Variants in OSBPL8 observed in about 807,000 individuals in gnomAD.
OSBPL8 encodes oxysterol binding protein like 8.
OSBPL8 carries 59 observed loss-of-function variants against 125.5 expected under a neutral mutation model. That is an observed-to-expected ratio of 0.47 (90% CI 0.38 to 0.58). The LOEUF is 0.58. Ranked by LOEUF, OSBPL8 falls within the 20% of genes least tolerant of loss-of-function variation. The probability of loss-of-function intolerance (pLI) is 0.00; values close to 1 mark genes in which losing one functional copy is unlikely to be tolerated. For missense variants in OSBPL8, 758 were observed against 1,047.8 expected (o/e 0.72, Z 3.82); for synonymous variants, 330 against 338.9 (o/e 0.97, Z 0.29).
At chr12:76,550,896 C>G (rs150480006) in intron 1 of OSBPL8, among the ~76,000 whole-genome samples, 95 of 152,068 alleles carry the variant, frequency 6.2e-4, no homozygotes, top group African/African-American at 2.0e-3. Context: ...TGCAAAATAG[C>G]GAAACCCTGT....
At chr12:76,538,755 C>T (rs1273606439) in intron 1 of OSBPL8, among the ~76,000 whole-genome samples, 1 of 152,002 alleles carries the variant, frequency 6.6e-6, no homozygotes, top group East Asian at 1.9e-4. Context: ...TGAGACCAGC[C>T]TGGCCAACAC....
Position 76,355,903 on chromosome 12 carries a change from A to G in OSBPL8, c.2656T>C (p.Phe886Leu). Residue 886 changes from phenylalanine to leucine, a missense_variant, in exon 24 of 24, where the codon TTC becomes CTC. This residue lies in a region of OSBPL8 where 572 missense variants were observed against 762.0 expected (regional missense o/e 0.75). Transcript: ENST00000261183. ...LLILLQVIIN[F>L]MFK is the part of the protein sequence containing the mutation. ...GTAGAGAACTTCTACTTGAACATGA[A>G]GTTTATTATGACTTGAAGCAAAATC... The G allele has an allele frequency of 1.2e-6, 2 of 1,613,434 alleles. No individual in the cohort carries two copies. The highest frequency in any genetic ancestry group is 1.7e-6 in the Non-Finnish European group (2 of 1,179,646).
At chr12:76,366,133 T>C (rs1285996742) in intron 21 of OSBPL8, among the ~76,000 whole-genome samples, 2 of 152,230 alleles carry the variant, frequency 1.3e-5, no homozygotes, top group Non-Finnish European at 2.9e-5. Flanking sequence ...ATCTCTTCTA[T>C]TTTTTAGAGT....
At chr12:76,549,741 C>A (rs1950883303) in intron 1 of OSBPL8, among the ~76,000 whole-genome samples, 1 of 152,172 alleles carries the variant, frequency 6.6e-6, no homozygotes, top group African/African-American at 2.4e-5. Flanking sequence ...GCAATCCTTT[C>A]AGGGTTCTAA....
intron 1 of OSBPL8, among the ~76,000 whole-genome samples, chr12:76,539,485 GAAATAC>G (rs1950586260): frequency 6.6e-6 from 1 of 151,934 alleles, no homozygotes; most frequent in African/African-American, 2.4e-5. Context: ...AAAATAAAAG[GAAATAC>G]AAATGAAAAA....
At chr12:76,368,249 C>T (rs1381570528) in intron 21 of OSBPL8, among the ~76,000 whole-genome samples, 2 of 152,072 alleles carry the variant, frequency 1.3e-5, no homozygotes, top group East Asian at 3.9e-4. Context: ...GCCTTCTGGC[C>T]CCCATGGTTT....
intron 4 of OSBPL8, chr12:76,423,147 A>AC (rs1869714152): frequency 6.6e-6 from 1 of 152,310 alleles, no homozygotes; most frequent in African/African-American, 2.4e-5. Context: ...TATAAACATA[A>AC]TGCTTTTTAT....
intron 4 of OSBPL8, among the ~76,000 whole-genome samples, chr12:76,415,807 C>T (rs1868576412): frequency 6.6e-6 from 1 of 152,138 alleles, no homozygotes; most frequent in African/African-American, 2.4e-5. Context: ...TACTGATTTG[C>T]AGTAACACTC....
At chr12:76,441,050 A>G (rs1872125522) in intron 4 of OSBPL8, among the ~76,000 whole-genome samples, 2 of 152,140 alleles carry the variant, frequency 1.3e-5, no homozygotes, top group African/African-American at 4.8e-5. Context: ...CACTTACATT[A>G]AGCTTTCATA....
intron 21 of OSBPL8, among the ~76,000 whole-genome samples, chr12:76,360,013 A>T (rs554478007): frequency 1.2e-4 from 19 of 152,306 alleles, no homozygotes; most frequent in African/African-American, 4.6e-4. Flanking sequence ...TCATGTCCTC[A>T]CATCTCAAAA....
At chr12:76,489,579 T>C (rs1878499649) in intron 1 of OSBPL8, among the ~76,000 whole-genome samples, 1 of 152,196 alleles carries the variant, frequency 6.6e-6, no homozygotes, top group Non-Finnish European at 1.5e-5. Context: ...CAGCATGGTT[T>C]ACTAAAATTT....
At chr12:76,466,599 A>T (rs1875466947) in intron 2 of OSBPL8, among the ~76,000 whole-genome samples, 1 of 152,200 alleles carries the variant, frequency 6.6e-6, no homozygotes, top group South Asian at 2.1e-4. Flanking sequence ...ATAATCTTTT[A>T]AGTAATAGTT....
chr12:76,475,997 G>A (rs897306818), intron 2 of OSBPL8, among the ~76,000 whole-genome samples: 14 of 152,162 alleles, frequency 9.2e-5, no homozygotes, highest in African/African-American at 3.4e-4. Context: ...CGTCCACTGC[G>A]CTTTCTCTCA....
intron 1 of OSBPL8, among the ~76,000 whole-genome samples, chr12:76,493,450 A>G (rs1273729948): frequency 6.6e-6 from 1 of 152,180 alleles, no homozygotes; most frequent in Non-Finnish European, 1.5e-5. Context: ...TTTCTGGGAA[A>G]GTCTTCACGC....
chr12:76,354,432 T>A lies in OSBPL8; in HGVS notation c.*1457A>T, dbSNP rs936855618. The A allele has an allele frequency of 2.0e-5, 3 of 151,964 alleles. No homozygotes were observed. The highest frequency in any genetic ancestry group is 7.2e-5 in the African/African-American group (3 of 41,424). The allele number at this position is 151,964 out of a possible 1,614,324, so 9.4% of individuals were successfully genotyped here. A position where few individuals can be genotyped will look rare whatever the true frequency, so the allele number is the denominator to read the frequency against. On this transcript the variant is annotated 3_prime_UTR_variant, in exon 24 of 24. Transcript: ENST00000261183. ...TCAATGTATTTATTTACCAATCTTG[T>A]ATTTATCATGGCATAAACGATTATA... is the stretch of plus-strand genomic sequence containing the variant.
chr12:76,540,760 A>G (rs1057130799), intron 1 of OSBPL8, among the ~76,000 whole-genome samples: 2 of 152,172 alleles, frequency 1.3e-5, no homozygotes, highest in Admixed American at 1.3e-4. Flanking sequence ...TCTCTCTCAC[A>G]CACACATACA....
chr12:76,534,484 C>T (rs554317276), intron 1 of OSBPL8, among the ~76,000 whole-genome samples: 6 of 152,168 alleles, frequency 3.9e-5, no homozygotes, highest in African/African-American at 1.4e-4. Context: ...CAATAACGGG[C>T]TAAAGAAGAA....
intron 1 of OSBPL8, among the ~76,000 whole-genome samples, chr12:76,547,364 A>T (rs963361852): frequency 9.9e-5 from 15 of 152,236 alleles, no homozygotes; most frequent in Non-Finnish European, 2.9e-5. Context: ...TATGAAAAGG[A>T]GTATGGGAAA....
At chr12:76,422,301 T>C (rs1297505960) in intron 4 of OSBPL8, among the ~76,000 whole-genome samples, 1 of 152,164 alleles carries the variant, frequency 6.6e-6, no homozygotes, top group Admixed American at 6.6e-5. Context: ...ATTCCTACTT[T>C]ACTGAATCAT....
Sources: allele counts gnomAD v4.1 joint callset (sites outside exome capture counted in the v4.1 genomes callset), GRCh38; gene constraint gnomAD v4.1.1; regional missense constraint gnomAD v4.1.1; transcripts MANE v1.5; gene names NCBI Gene and HGNC (gene_info 2026-07-23, HGNC 2026-07-21).